Variants in SMC1B observed in about 807,000 individuals in gnomAD.
The protein encoded by SMC1B is structural maintenance of chromosomes protein 1B.
In SMC1B, 60 loss-of-function variants were observed where a neutral mutation model predicts 157.9. The ratio of observed to expected loss-of-function variants is 0.38; its 90% CI spans 0.31 to 0.47. The LOEUF is 0.47. Ranked by LOEUF, SMC1B falls within the 20% of genes least tolerant of loss-of-function variation. The probability of loss-of-function intolerance (pLI) is 0.99; values close to 1 mark genes in which losing one functional copy is unlikely to be tolerated. For synonymous variants in SMC1B, 445 were observed against 483.0 expected, an observed-to-expected ratio of 0.92 and a Z score of 1.03; for missense variants, 1,165 against 1,426.2, an observed-to-expected ratio of 0.82 and a Z score of 2.95.
chr22:45,363,767 G>A (rs1284377492), intron 15 of SMC1B, among the ~76,000 whole-genome samples: 4 of 151,938 alleles, frequency 2.6e-5, no homozygotes, highest in Admixed American at 6.6e-5. Context: ...TACAGATGAT[G>A]TTTCTTAAAT....
intron 8 of SMC1B, 123 bp from the exon 9 acceptor site, chr22:45,393,964 G>T: frequency 1.5e-6 from 1 of 649,716 alleles, no homozygotes; most frequent in Non-Finnish European, 2.6e-6. Flanking sequence ...TTTTTAAAGG[G>T]TAAAAAATGC....
chr22:45,406,409 T>A, intron 4 of SMC1B, 51 bp downstream of exon 4: 1 of 1,494,310 alleles, frequency 6.7e-7, no homozygotes, highest in Non-Finnish European at 9.1e-7. Flanking sequence ...GATTCTAACA[T>A]AGAAAGTTTT....
intron 19 of SMC1B, among the ~76,000 whole-genome samples, chr22:45,356,731 T>TC (rs1034122426): frequency 6.8e-6 from 1 of 147,840 alleles, no homozygotes; most frequent in African/African-American, 2.5e-5. Flanking sequence ...TCTTTTCTTT[T>TC]TTTTTTTTTT....
Position 45,349,923 on chromosome 22 carries a change from T to C in SMC1B, c.3426-126A>G, listed in dbSNP as rs992633964. 23 of 727,106 alleles carry C rather than the reference T, an allele frequency of 3.2e-5. No homozygotes were observed. In the African/African-American group the frequency reaches 4.1e-4, roughly 13 times the overall value. The allele number at this position is 727,106 out of a possible 1,614,324, so 45.0% of individuals were successfully genotyped here. ...CTTTTGGATATTTCTAAGTAATCGG[T>C]GACCTCTATGTTACTAAATCCAGTG... is the stretch of plus-strand genomic sequence containing the variant. On this transcript the variant is annotated intron_variant, in intron 22 of 24. Transcript: ENST00000357450.
intron 2 of SMC1B, 128 bp from the exon 3 acceptor site, chr22:45,406,993 T>C: frequency 3.3e-6 from 2 of 615,256 alleles, no homozygotes; most frequent in Non-Finnish European, 5.3e-6. Flanking sequence ...TACATGGGAA[T>C]AAATGCATTT....
chr22:45,350,992 T>G lies in SMC1B; in HGVS notation c.3426-1195A>C, dbSNP rs146379319. ...TTTTGCACTTGCTGTTGCTGATGTCTAAGAATATTCTTCCCTTAGCTGTCC... is the reference window on the plus strand; with the variant it reads ...TTTTGCACTTGCTGTTGCTGATGTCGAAGAATATTCTTCCCTTAGCTGTCC... On this transcript the variant is annotated intron_variant, in intron 22 of 24. Transcript: ENST00000357450. 9.4e-3 allele frequency among the ~76,000 whole-genome samples: 1,424 copies of G among 152,290 alleles called. 13 individuals carry two copies. Among genetic ancestry groups the G allele is most frequent in the Middle Eastern group, 0.02 (6 of 294 alleles).
At chr22:45,372,771 G>T (rs910705346) in intron 12 of SMC1B, among the ~76,000 whole-genome samples, 1 of 139,426 alleles carries the variant, frequency 7.2e-6, no homozygotes, top group African/African-American at 2.8e-5. Flanking sequence ...GGAGTGCAGT[G>T]GCACAATCTT....
intron 20 of SMC1B, among the ~76,000 whole-genome samples, chr22:45,354,361 GGTATGTAT>G (rs376322847): frequency 1.3e-5 from 2 of 151,120 alleles, no homozygotes; most frequent in Admixed American, 6.6e-5. Context: ...GTTCTGATAG[GGTATGTAT>G]GTATGTATGT....
intron 19 of SMC1B, among the ~76,000 whole-genome samples, chr22:45,356,179 C>T (rs2086668415): frequency 6.6e-6 from 1 of 151,742 alleles, no homozygotes; most frequent in Non-Finnish European, 1.5e-5. Flanking sequence ...TTTTGTAATG[C>T]AGCACATGCT....
chr22:45,378,322 A>T (rs1041824397), intron 12 of SMC1B, among the ~76,000 whole-genome samples: 1 of 152,146 alleles, frequency 6.6e-6, no homozygotes, highest in Admixed American at 6.5e-5. Context: ...TATTTCATTA[A>T]ATTATCATCT....
chr22:45,399,898 T>C (rs2146842835), intron 5 of SMC1B, among the ~76,000 whole-genome samples: 1 of 152,282 alleles, frequency 6.6e-6, no homozygotes, highest in African/African-American at 2.4e-5. Flanking sequence ...ACGTGATTAC[T>C]GGAAATGCAC....
intron 6 of SMC1B, among the ~76,000 whole-genome samples, chr22:45,398,401 G>A (rs1026261888): frequency 6.6e-6 from 1 of 152,210 alleles, no homozygotes; most frequent in African/African-American, 2.4e-5. Context: ...GCAGCTGTGG[G>A]ATTCGCGCCA....
At chr22:45,364,804 A>G (rs577098828) in intron 15 of SMC1B, among the ~76,000 whole-genome samples, 13 of 145,012 alleles carry the variant, frequency 9.0e-5, no homozygotes, top group Middle Eastern at 3.8e-3. Context: ...ACTTGCTAAC[A>G]TCTTGTAGGA....
At chr22:45,389,590 T>A (rs2087033295) in intron 10 of SMC1B, 122 bp downstream of exon 10, 2 of 750,652 alleles carry the variant, frequency 2.7e-6, no homozygotes, top group Admixed American at 5.5e-5. Context: ...TTAAAATGAT[T>A]GCCTAACTGG....
intron 23 of SMC1B, among the ~76,000 whole-genome samples, chr22:45,346,706 A>T (rs916636660): frequency 2.6e-5 from 4 of 152,234 alleles, no homozygotes; most frequent in Non-Finnish European, 5.9e-5. Flanking sequence ...CAGGGCTGAA[A>T]AAAGGTCTTG....
At chr22:45,411,100 T>C (rs2087327956) in intron 1 of SMC1B, among the ~76,000 whole-genome samples, 1 of 152,262 alleles carries the variant, frequency 6.6e-6, no homozygotes, top group African/African-American at 2.4e-5. Flanking sequence ...ATTTATTCCA[T>C]TAAATTTCAT....
intron 15 of SMC1B, 79 bp from the exon 16 acceptor site, chr22:45,363,105 C>A: frequency 9.4e-7 from 1 of 1,059,484 alleles, no homozygotes; most frequent in South Asian, 1.8e-5. Context: ...AAATTTCAAA[C>A]AAATATAAAA....
chr22:45,365,663 C>T lies in SMC1B; in HGVS notation c.2421-2637G>A, dbSNP rs141475821. 4.4e-3 allele frequency among the ~76,000 whole-genome samples: 662 copies of T among 152,158 alleles called. 3 individuals carry two copies. The highest frequency in any genetic ancestry group is 6.7e-3 in the Non-Finnish European group (458 of 67,990). ...GAGGTAGCAGTGAGCCAAGATTGTG[C>T]CACTGCACTCCAGCCTGGGTTGACA... On this transcript the variant is annotated intron_variant, in intron 15 of 24. Coordinates refer to ENST00000357450, the MANE Select transcript of SMC1B (RefSeq NM_148674.5).
intron 12 of SMC1B, among the ~76,000 whole-genome samples, chr22:45,382,855 C>T (rs2086950128): frequency 6.6e-6 from 1 of 152,078 alleles, no homozygotes. Flanking sequence ...CCTATCAGGC[C>T]GGGCACAGTG....
Sources: allele counts gnomAD v4.1 joint callset (sites outside exome capture counted in the v4.1 genomes callset), GRCh38; gene constraint gnomAD v4.1.1; transcripts MANE v1.5; gene names NCBI Gene and HGNC (gene_info 2026-07-23, HGNC 2026-07-21).